Variants in OR4K5 observed in about 807,000 individuals in gnomAD.
The protein encoded by OR4K5 is olfactory receptor 4K5.
For synonymous variants in OR4K5, 187 were observed against 142.2 expected, an observed-to-expected ratio of 1.31 and a Z score of -2.24; for missense variants, 520 against 377.1, an observed-to-expected ratio of 1.38 and a Z score of -3.14.
chr14:19,921,124 T>C lies in OR4K5; in HGVS notation c.518T>C (p.Val173Ala), dbSNP rs1414463073. 1.2e-6 allele frequency: 2 copies of C among 1,613,946 alleles called. No homozygotes were observed. Among genetic ancestry groups the C allele is most frequent in the South Asian group, 1.1e-5 (1 of 91,092 alleles). ...TVNLPFCGPNVVDSFFCDLPR... is the reference protein window; with the variant it reads ...TVNLPFCGPNAVDSFFCDLPR... ...AACCTGCCTTTTTGTGGACCTAATG[T>C]AGTAGACAGCTTTTTTTGTGATCTT... The change falls in exon 1 of 1, where the codon GTA becomes GCA. Residue 173 changes from valine (V) to alanine (A), a missense_variant. By Grantham distance (64) the Val-to-Ala change is moderately conservative (BLOSUM62 0). Coordinates refer to ENST00000315915, the MANE Select transcript of OR4K5 (RefSeq NM_001005483.1).
Position 19,921,352 on chromosome 14 carries a change from T to C in OR4K5, c.746T>C (p.Leu249Ser), listed in dbSNP as rs1881936603. Residue 249 changes from leucine (L) to serine (S), a missense_variant, in exon 1 of 1, where the codon TTA (leucine) becomes TCA (serine). Leu to Ser is a moderately radical substitution (Grantham distance 145). Transcript: ENST00000315915. ...TLASHIAVVILFFGPCIFIYV... is the reference protein window; with the variant it reads ...TLASHIAVVISFFGPCIFIYV... Reference sequence around the variant, plus strand: ...GCTTCCCATATTGCAGTAGTAATATTATTCTTTGGACCTTGCATCTTCATC... The same window carrying C: ...GCTTCCCATATTGCAGTAGTAATATCATTCTTTGGACCTTGCATCTTCATC... 1 of 1,614,080 alleles carries C rather than the reference T, an allele frequency of 6.2e-7. No individual in the cohort carries two copies. Among genetic ancestry groups the C allele is most frequent in the African/African-American group, 1.3e-5 (1 of 74,942 alleles).
chr14:19,921,154 G>C lies in OR4K5; in HGVS notation c.548G>C (p.Arg183Pro), dbSNP rs201033872. 1 of 1,614,092 alleles carries C rather than the reference G, an allele frequency of 6.2e-7. No homozygotes were observed. The highest frequency in any genetic ancestry group is 8.5e-7 in the Non-Finnish European group (1 of 1,179,976). The stretch of plus-strand genomic sequence containing the variant: ...GACAGCTTTTTTTGTGATCTTCCTC[G>C]AGTCACCAAACTTGCCTGCCTGGAC... Reference protein sequence around the residue: ...VVDSFFCDLPRVTKLACLDSY... With the variant: ...VVDSFFCDLPPVTKLACLDSY... Residue 183 changes from arginine (R) to proline (P), a missense_variant, in exon 1 of 1, where the codon CGA becomes CCA. Transcript: ENST00000315915.
In OR4K5 at chr14:19,921,250, T is replaced by C. The variant is rs779802153; in HGVS notation, c.644T>C (p.Val215Ala). 6.2e-7 allele frequency: 1 copy of C among 1,614,208 alleles called. No individual in the cohort carries two copies. Among genetic ancestry groups the C allele is most frequent in the Non-Finnish European group, 8.5e-7 (1 of 1,180,000 alleles). Residue 215 changes from valine (V) to alanine (A), a missense_variant, in exon 1 of 1, where the codon GTC becomes GCC. Val to Ala is a moderately conservative substitution (Grantham distance 64). Coordinates refer to ENST00000315915, the MANE Select transcript of OR4K5 (RefSeq NM_001005483.1). ...ILSLSTFSLL[V>A]SSYIIILVTV... ...TCCCTAAGCACTTTCTCTCTCTTGG[T>C]CAGCTCCTACATCATTATTCTTGTT...
At position 19,920,807 on chromosome 14, in the gene OR4K5, C is replaced by T. The variant is rs763512658; in HGVS notation, c.201C>T (p.Ser67=). 3.1e-6 allele frequency: 5 copies of T among 1,614,052 alleles called. No individual in the cohort carries two copies. The highest frequency in any genetic ancestry group is 1.3e-5 in the African/African-American group (1 of 74,938). Residue 67 remains serine (S), a synonymous_variant, in exon 1 of 1, where the codon TCC becomes TCT. Transcript: ENST00000315915. ...SPMYFLLGNL[S]FVDICQASFA... The stretch of plus-strand genomic sequence containing the variant: ...TGTACTTTCTCTTGGGAAACCTTTC[C>T]TTTGTTGACATTTGTCAGGCTTCTT...
In OR4K5 at chr14:19,921,122, T is replaced by G; in HGVS notation, c.516T>G (p.Asn172Lys). ...FTVNLPFCGPNVVDSFFCDLP... is the reference protein window; with the variant it reads ...FTVNLPFCGPKVVDSFFCDLP... ...TGAACCTGCCTTTTTGTGGACCTAATGTAGTAGACAGCTTTTTTTGTGATC... is the reference window on the plus strand; with the variant it reads ...TGAACCTGCCTTTTTGTGGACCTAAGGTAGTAGACAGCTTTTTTTGTGATC... Residue 172 changes from asparagine (N) to lysine (K), a missense_variant, in exon 1 of 1, where the codon AAT (asparagine) becomes AAG (lysine). By Grantham distance (94) the Asn-to-Lys change is moderately conservative. Transcript: ENST00000315915. The G allele has an allele frequency of 1.9e-6, 3 of 1,614,218 alleles. No individual in the cohort carries two copies. Among genetic ancestry groups the G allele is most frequent in the South Asian group, 1.1e-5 (1 of 91,086 alleles).
In OR4K5 at chr14:19,921,429, T is replaced by C. The variant is rs776921717; in HGVS notation, c.823T>C (p.Tyr275His). 3.5e-5 allele frequency: 57 copies of C among 1,614,068 alleles called. No individual in the cohort carries two copies. The highest frequency in any genetic ancestry group is 4.7e-5 in the Non-Finnish European group (55 of 1,180,006). ...TTTGGATAAATTTCTTGCCATATTT[T>C]ACACTGTTTTCACCCCCGTCCTAAA... ...SPLDKFLAIF[Y>H]TVFTPVLNPI... Residue 275 changes from tyrosine to histidine, a missense_variant, in exon 1 of 1, where the codon TAC becomes CAC. Transcript: ENST00000315915.
Position 19,920,736 on chromosome 14 carries a change from C to G in OR4K5, c.130C>G (p.Leu44Val). The change falls in exon 1 of 1, where the codon CTC (leucine) becomes GTC (valine). Residue 44 changes from leucine (L) to valine (V), a missense_variant. Leu to Val is a conservative substitution (Grantham distance 32). Coordinates refer to ENST00000315915, the MANE Select transcript of OR4K5 (RefSeq NM_001005483.1). Reference protein sequence around the residue: ...LYTVIVLGNLLIILTVTSDTS... With the variant: ...LYTVIVLGNLVIILTVTSDTS... ...TACAGTCATTGTGCTGGGAAATCTT[C>G]TCATTATCCTCACAGTGACTTCTGA... 1 of 1,614,142 alleles carries G rather than the reference C, an allele frequency of 6.2e-7. No individual in the cohort carries two copies.
At position 19,920,876 on chromosome 14, in the gene OR4K5, G is replaced by T; in HGVS notation, c.270G>T (p.Glu90Asp). 6.2e-7 allele frequency: 1 copy of T among 1,614,194 alleles called. No homozygotes were observed. Among genetic ancestry groups the T allele is most frequent in the Non-Finnish European group, 8.5e-7 (1 of 1,180,010 alleles). ...TTGCAGATTTTCTGAGTGCACACGA[G>T]ACCATATCTTTCAGTGGCTGCATAG... Reference protein sequence around the residue: ...KMIADFLSAHETISFSGCIAQ... With the variant: ...KMIADFLSAHDTISFSGCIAQ... Residue 90 changes from glutamate (E) to aspartate (D), a missense_variant, in exon 1 of 1, where the codon GAG becomes GAT. By Grantham distance (45) the Glu-to-Asp change is conservative. Transcript: ENST00000315915.
At position 19,921,382 on chromosome 14, in the gene OR4K5, T is replaced by C. The variant is rs116787378; in HGVS notation, c.776T>C (p.Val259Ala). Residue 259 changes from valine to alanine, a missense_variant, in exon 1 of 1, where the codon GTG becomes GCG. By Grantham distance (64) the Val-to-Ala change is moderately conservative. Coordinates refer to ENST00000315915, the MANE Select transcript of OR4K5 (RefSeq NM_001005483.1). Reference protein sequence around the residue: ...LFFGPCIFIYVWPFTISPLDK... With the variant: ...LFFGPCIFIYAWPFTISPLDK... ...TTTGGACCTTGCATCTTCATCTATG[T>C]GTGGCCCTTTACCATCTCTCCTTTG... The C allele has an allele frequency of 2.5e-3, 4,105 of 1,613,598 alleles. 15 individuals carry two copies. In the African/African-American group the frequency reaches 0.047, roughly 18 times the overall value.
rs1881946273 is a variant in OR4K5, at chr14:19,921,578, A to C, written c.972A>C (p.Ter324TyrextTer?). 1.9e-6 allele frequency: 3 copies of C among 1,605,654 alleles called. No homozygotes were observed. Among genetic ancestry groups the C allele is most frequent in the Admixed American group, 1.7e-5 (1 of 57,906 alleles). ...MSLVVRTSFH[*>Y] ...TAGTAGTGAGAACTTCCTTTCATTA[A>C]GACAAAACTCCTTCAAATTCCTCAG... Residue 324 changes from the stop codon to tyrosine, a stop_lost, in exon 1 of 1, where the codon TAA (stop) becomes TAC (tyrosine). Coordinates refer to ENST00000315915, the MANE Select transcript of OR4K5 (RefSeq NM_001005483.1).
rs748193960 is a variant in OR4K5, at chr14:19,921,497, C to T, written c.891C>T (p.Ala297=). ...TAAGGAATAGGGATATGAAGGCTGC[C>T]GTAAGGAAAATTGTGAACCATTACC... The part of the protein sequence containing the change: ...YTLRNRDMKA[A]VRKIVNHYLR... The change falls in exon 1 of 1, where the codon GCC becomes GCT. Residue 297 remains alanine (A), a synonymous_variant. Transcript: ENST00000315915. 2.5e-5 allele frequency: 40 copies of T among 1,613,766 alleles called. No homozygotes were observed. The Middle Eastern group carries it at 6.6e-4, about 27-fold the overall frequency.
In OR4K5 at chr14:19,920,643, G is replaced by C. The variant is rs1881906313; in HGVS notation, c.37G>C (p.Val13Leu). The C allele has an allele frequency of 1.2e-6, 2 of 1,612,650 alleles. No individual in the cohort carries two copies. The highest frequency in any genetic ancestry group is 4.5e-5 in the East Asian group (2 of 44,872). The change falls in exon 1 of 1, where the codon GTA becomes CTA. Residue 13 changes from valine (V) to leucine (L), a missense_variant. By Grantham distance (32) the Val-to-Leu change is conservative. Transcript: ENST00000315915. The part of the protein sequence containing the change: ...KSNSSVVSEF[V>L]LLGLCSSQKL... ...CAATTCTTCAGTGGTGTCTGAATTT[G>C]TACTGTTGGGACTCTGTAGTTCTCA...
chr14:19,920,987 C>A lies in OR4K5; in HGVS notation c.381C>A (p.Cys127Ter), dbSNP rs1244385113. ...CCTATGACAGGTATGTAGCCATATG[C>A]AAACCCTTATACTATGTGGTCATCA... ...SMAYDRYVAI[C>*]KPLYYVVIMS... The change falls in exon 1 of 1, where the codon TGC becomes TGA. Residue 127 changes from cysteine to a stop codon, truncating the protein, a stop_gained. Coordinates refer to ENST00000315915, the MANE Select transcript of OR4K5 (RefSeq NM_001005483.1). LOFTEE classifies it low-confidence loss of function (END_TRUNC). The A allele has an allele frequency of 6.2e-7, 1 of 1,614,184 alleles. No homozygotes were observed. The highest frequency in any genetic ancestry group is 1.7e-5 in the Admixed American group (1 of 60,020).
Position 19,920,886 on chromosome 14 carries a change from T to C in OR4K5, c.280T>C (p.Phe94Leu). 1 of 1,614,206 alleles carries C rather than the reference T, an allele frequency of 6.2e-7. No homozygotes were observed. Among genetic ancestry groups the C allele is most frequent in the Non-Finnish European group, 8.5e-7 (1 of 1,180,014 alleles). Residue 94 changes from phenylalanine (F) to leucine (L), a missense_variant, in exon 1 of 1, where the codon TTC becomes CTC. By Grantham distance (22) the Phe-to-Leu change is conservative. Coordinates refer to ENST00000315915, the MANE Select transcript of OR4K5 (RefSeq NM_001005483.1). ...DFLSAHETISFSGCIAQIFFI... is the reference protein window; with the variant it reads ...DFLSAHETISLSGCIAQIFFI... ...TCTGAGTGCACACGAGACCATATCT[T>C]TCAGTGGCTGCATAGCCCAAATTTT... is the stretch of plus-strand genomic sequence containing the variant.
At position 19,921,277 on chromosome 14, in the gene OR4K5, C is replaced by G; in HGVS notation, c.671C>G (p.Thr224Arg). 1 of 1,614,158 alleles carries G rather than the reference C, an allele frequency of 6.2e-7. No individual in the cohort carries two copies. The highest frequency in any genetic ancestry group is 8.5e-7 in the Non-Finnish European group (1 of 1,179,988). Residue 224 changes from threonine to arginine, a missense_variant, in exon 1 of 1, where the codon ACA becomes AGA. Transcript: ENST00000315915. ...AGCTCCTACATCATTATTCTTGTTA[C>G]AGTTTGGCTCAAGTCTTCAGCTGCA... The part of the protein sequence containing the change: ...LVSSYIIILV[T>R]VWLKSSAAMA...
In OR4K5 at chr14:19,920,636, T is replaced by C. The variant is rs1243266572; in HGVS notation, c.30T>C (p.Ser10=). 6.2e-7 allele frequency: 1 copy of C among 1,611,194 alleles called. No homozygotes were observed. The highest frequency in any genetic ancestry group is 1.3e-5 in the African/African-American group (1 of 74,688). ...ATAAGTCCAATTCTTCAGTGGTGTC[T>C]GAATTTGTACTGTTGGGACTCTGTA... MDKSNSSVV[S]EFVLLGLCSS... Residue 10 remains serine, a synonymous_variant, in exon 1 of 1, where the codon TCT becomes TCC. Transcript: ENST00000315915.
rs149238790 is a variant in OR4K5 at position 19,920,610 on chromosome 14, G to T, written c.4G>T (p.Asp2Tyr). Residue 2 changes from aspartate (D) to tyrosine (Y), a missense_variant, in exon 1 of 1, where the codon GAT becomes TAT. Physicochemically the swap from Asp to Tyr is radical, Grantham distance 160. Coordinates refer to ENST00000315915, the MANE Select transcript of OR4K5 (RefSeq NM_001005483.1). ...AACAAGTTTGCAGCTTGGAACCATG[G>T]ATAAGTCCAATTCTTCAGTGGTGTC... M[D>Y]KSNSSVVSEF... The T allele has an allele frequency of 3.3e-5, 53 of 1,601,434 alleles. No homozygotes were observed. The African/African-American group carries it at 6.5e-4, about 20-fold the overall frequency.
chr14:19,921,522 C>G lies in OR4K5; in HGVS notation c.916C>G (p.Leu306Val). The G allele has an allele frequency of 6.2e-7, 1 of 1,613,770 alleles. No homozygotes were observed. Among genetic ancestry groups the G allele is most frequent in the Middle Eastern group, 1.7e-4 (1 of 6,060 alleles). The change falls in exon 1 of 1, where the codon CTG (leucine) becomes GTG (valine). Residue 306 changes from leucine (L) to valine (V), a missense_variant. Physicochemically the swap from Leu to Val is conservative, Grantham distance 32. Coordinates refer to ENST00000315915, the MANE Select transcript of OR4K5 (RefSeq NM_001005483.1). ...CGTAAGGAAAATTGTGAACCATTAC[C>G]TGAGGCCAAGGAGAATTTCTGAAAT... Reference protein sequence around the residue: ...AAVRKIVNHYLRPRRISEMSL... With the variant: ...AAVRKIVNHYVRPRRISEMSL...
Position 19,921,522 on chromosome 14 carries a change from C to T in OR4K5, c.916C>T (p.Leu306=). 1 of 1,613,770 alleles carries T rather than the reference C, an allele frequency of 6.2e-7. No homozygotes were observed. Among genetic ancestry groups the T allele is most frequent in the Non-Finnish European group, 8.5e-7 (1 of 1,179,786 alleles). The part of the protein sequence containing the change: ...AAVRKIVNHY[L]RPRRISEMSL... ...CGTAAGGAAAATTGTGAACCATTACCTGAGGCCAAGGAGAATTTCTGAAAT... is the reference window on the plus strand; with the variant it reads ...CGTAAGGAAAATTGTGAACCATTACTTGAGGCCAAGGAGAATTTCTGAAAT... The change falls in exon 1 of 1, where the codon CTG becomes TTG. Residue 306 remains leucine (L), a synonymous_variant. Coordinates refer to ENST00000315915, the MANE Select transcript of OR4K5 (RefSeq NM_001005483.1).
Sources: gnomAD v4.1 joint callset for allele counts on GRCh38, gnomAD v4.1.1 for gene constraint, MANE v1.5 for transcripts, NCBI Gene and HGNC (gene_info 2026-07-23, HGNC 2026-07-21) for gene names.